The following ZNF433 variants were observed in gnomAD, a reference collection of about 807,000 sequenced individuals.
The protein encoded by ZNF433 is zinc finger protein 433.
In ZNF433, 12 loss-of-function variants were observed where a neutral mutation model predicts 10.6. The observed-to-expected ratio is 1.13, with a 90% CI of 0.72 to 1.83. The LOEUF is 1.83. ZNF433 is among the 40% of genes most tolerant of loss of function. The probability of loss-of-function intolerance (pLI) is 0.00; values close to 1 mark genes in which losing one functional copy is unlikely to be tolerated. For synonymous variants in ZNF433, 272 were observed against 271.3 expected (o/e 1.00, Z -0.02); for missense variants, 737 against 798.0 (o/e 0.92, Z 0.92).
chr19:12,021,173 G>A (rs995216166), intron 1 of ZNF433, among the ~76,000 whole-genome samples: 2 of 151,706 alleles, frequency 1.3e-5, no homozygotes, highest in Non-Finnish European at 2.9e-5. Context: ...GTAGAGACGG[G>A]GGTTTCACCA....
intron 1 of ZNF433, among the ~76,000 whole-genome samples, chr19:12,022,946 T>C (rs1599362595): frequency 6.6e-6 from 1 of 152,316 alleles, no homozygotes; most frequent in East Asian, 1.9e-4. Flanking sequence ...TCAGTTCTAT[T>C]CAGGCAGGAA....
intron 1 of ZNF433, chr19:12,026,441 A>C (rs1330304255): frequency 6.5e-6 from 2 of 309,942 alleles, no homozygotes; most frequent in Non-Finnish European, 1.3e-5. Flanking sequence ...TAATTTAATG[A>C]TAGCTATGAC....
chr19:12,018,439 C>CA (rs1364769650), intron 1 of ZNF433, 147 bp from the exon 2 acceptor site: 2 of 868,002 alleles, frequency 2.3e-6, no homozygotes, highest in African/African-American at 3.5e-5. Context: ...TGTCTACACT[C>CA]AGTTTCTTCC....
chr19:12,030,988 A>G (rs983549574), intron 1 of ZNF433, among the ~76,000 whole-genome samples: 1 of 152,064 alleles, frequency 6.6e-6, no homozygotes, highest in African/African-American at 2.4e-5. Flanking sequence ...AAGCAGGAAG[A>G]TCACTTGAAC....
Position 12,015,732 on chromosome 19 carries a change from T to C in ZNF433, c.1126A>G (p.Ser376Gly), listed in dbSNP as rs1974145860. 6.2e-7 allele frequency: 1 copy of C among 1,613,604 alleles called. No individual in the cohort carries two copies. Among genetic ancestry groups the C allele is most frequent in the Non-Finnish European group, 8.5e-7 (1 of 1,179,926 alleles). ...GTTTTTTCATGTGTTTGAAGTGAAC[T>C]GGGAGAATAAAAGGCTTTCCCACAT... ...KICGKAFYSP[S>G]SLQTHEKTHT... is the part of the protein sequence containing the mutation. Residue 376 changes from serine to glycine, a missense_variant, in exon 4 of 4, where the codon AGT (serine) becomes GGT (glycine). By Grantham distance (56) the Ser-to-Gly change is moderately conservative (BLOSUM62 0). Coordinates refer to ENST00000550507, the MANE Select transcript of ZNF433 (RefSeq NM_001308348.2).
chr19:12,022,091 G>C (rs180809996), intron 1 of ZNF433: 2 of 439,230 alleles, frequency 4.6e-6, no homozygotes, highest in Admixed American at 2.4e-5. Flanking sequence ...TGACATGTTC[G>C]TGATGGCCAT....
chr19:12,021,782 A>C (rs1449828023), intron 1 of ZNF433: 2 of 339,362 alleles, frequency 5.9e-6, no homozygotes, highest in Non-Finnish European at 1.2e-5. Flanking sequence ...GTGGGGAGAC[A>C]GCTGAGACTA....
chr19:12,023,492 G>C (rs1974594301), intron 1 of ZNF433: 1 of 152,166 alleles, frequency 6.6e-6, no homozygotes, highest in Non-Finnish European at 1.5e-5. Context: ...GGATTTGGAA[G>C]CACAAATAAA....
At chr19:12,019,443 T>G (rs560696400) in intron 1 of ZNF433, among the ~76,000 whole-genome samples, 2 of 152,194 alleles carry the variant, frequency 1.3e-5, no homozygotes, top group South Asian at 4.1e-4. Flanking sequence ...GTGCATGAGA[T>G]GACACCATCA....
At chr19:12,025,028 C>T (rs1248021691) in intron 1 of ZNF433, 1 of 152,164 alleles carries the variant, frequency 6.6e-6, no homozygotes, top group African/African-American at 2.4e-5. Flanking sequence ...TAATTGGATT[C>T]TCCCTAAAAT....
chr19:12,021,170 C>T (rs971503442), intron 1 of ZNF433, among the ~76,000 whole-genome samples: 9 of 151,684 alleles, frequency 5.9e-5, no homozygotes, highest in African/African-American at 1.2e-4. Flanking sequence ...TTAGTAGAGA[C>T]GGGGGTTTCA....
chr19:12,032,370 C>T (rs1975076018), intron 1 of ZNF433, among the ~76,000 whole-genome samples: 1 of 151,966 alleles, frequency 6.6e-6, no homozygotes, highest in Admixed American at 6.6e-5. Flanking sequence ...AAAACTAGTC[C>T]CTATAACATC....
intron 1 of ZNF433, among the ~76,000 whole-genome samples, chr19:12,020,046 C>T (rs1283940698): frequency 1.3e-5 from 2 of 152,074 alleles, no homozygotes; most frequent in Non-Finnish European, 2.9e-5. Flanking sequence ...CCGAGGTGGG[C>T]GGATGACTTG....
In ZNF433 at chr19:12,015,706, A is replaced by C; in HGVS notation, c.1152T>G (p.Thr384=). ...SPSSLQTHEK[T]HTGEKPYKCN... ...ATTTATAGGGTTTCTCTCCAGTGTG[A>C]GTTTTTTCATGTGTTTGAAGTGAAC... is the stretch of plus-strand genomic sequence containing the variant. The change falls in exon 4 of 4, where the codon ACT becomes ACG. Residue 384 remains threonine, a synonymous_variant. Coordinates refer to ENST00000550507, the MANE Select transcript of ZNF433 (RefSeq NM_001308348.2). 1 of 1,613,610 alleles carries C rather than the reference A, an allele frequency of 6.2e-7. No homozygotes were observed.
Position 12,015,066 on chromosome 19 carries a change from A to G in ZNF433, c.1792T>C (p.Cys598Arg). The G allele has an allele frequency of 6.2e-7, 1 of 1,614,076 alleles. No individual in the cohort carries two copies. Among genetic ancestry groups the G allele is most frequent in the East Asian group, 2.2e-5 (1 of 44,870 alleles). Residue 598 changes from cysteine to arginine, a missense_variant, in exon 4 of 4, where the codon TGT (cysteine) becomes CGT (arginine). Transcript: ENST00000550507. ...CCATGCATTTGAAGTCGCGAGGCACATCCAAAAGACTTCCCACACTGCTTA... is the reference window on the plus strand; with the variant it reads ...CCATGCATTTGAAGTCGCGAGGCACGTCCAAAAGACTTCCCACACTGCTTA... Reference protein sequence around the residue: ...ECKQCGKSFGCASRLQMHGRT... With the variant: ...ECKQCGKSFGRASRLQMHGRT...
chr19:12,028,914 C>T (rs1974867980), intron 1 of ZNF433, among the ~76,000 whole-genome samples: 1 of 152,146 alleles, frequency 6.6e-6, no homozygotes, highest in Non-Finnish European at 1.5e-5. Context: ...TGGTCTCAAA[C>T]TCCCGGGCTC....
At chr19:12,018,123 T>G in intron 2 of ZNF433, 43 bp downstream of exon 2, 1 of 1,517,440 alleles carries the variant, frequency 6.6e-7, no homozygotes, top group Non-Finnish European at 8.8e-7. Context: ...AAAAAAAAAC[T>G]TGTTGTCTCA....
chr19:12,017,236 T>G (rs1185299046), intron 3 of ZNF433, among the ~76,000 whole-genome samples: 1 of 152,102 alleles, frequency 6.6e-6, no homozygotes, highest in Non-Finnish European at 1.5e-5. Flanking sequence ...GGAGACTCAC[T>G]CTGTTGCCCA....
Position 12,017,928 on chromosome 19 carries a change from A to AT in ZNF433, c.138dup (p.Trp47MetfsTer26), listed in dbSNP as rs1974291811. 4 of 1,581,096 alleles carry AT rather than the reference A, an allele frequency of 2.5e-6. No individual in the cohort carries two copies. The highest frequency in any genetic ancestry group is 8.5e-7 in the Non-Finnish European group (1 of 1,170,110). ...TCTACATATATGTTCTGGGGTTTCCATTTTTTCCCTACAACACACAACAAG... is the reference window on the plus strand; with the variant it reads ...TCTACATATATGTTCTGGGGTTTCCATTTTTTTCCCTACAACACACAACAAG... On this transcript the variant is annotated frameshift_variant, in exon 3 of 4. Transcript: ENST00000550507. LOFTEE classifies it high-confidence loss of function.
Sources: gnomAD v4.1 joint callset for allele counts (sites outside exome capture counted in the v4.1 genomes callset) on GRCh38, gnomAD v4.1.1 for gene constraint, MANE v1.5 for transcripts, NCBI Gene and HGNC (gene_info 2026-07-23, HGNC 2026-07-21) for gene names.